Variants in RBM47 observed in about 807,000 individuals in gnomAD.
RBM47 encodes RNA binding motif protein 47.
RBM47 carries 21 observed loss-of-function variants against 47.1 expected under a neutral mutation model. The observed-to-expected ratio is 0.45, with a 90% CI of 0.32 to 0.64. The LOEUF (loss-of-function observed/expected upper bound fraction) is 0.64, where lower values mean the gene tolerates loss of function less well. Among genes scored for constraint, RBM47 ranks in the 30% least tolerant of loss-of-function variants. The pLI, the probability that RBM47 is intolerant of heterozygous loss-of-function variation, is 0.05. For synonymous variants in RBM47, 375 were observed against 361.7 expected, an observed-to-expected ratio of 1.04 and a Z score of -0.42; for missense variants, 708 against 870.9, an observed-to-expected ratio of 0.81 and a Z score of 2.35.
At chr4:40,611,719 ACT>A (rs1209656683) in intron 1 of RBM47, among the ~76,000 whole-genome samples, 1 of 151,864 alleles carries the variant, frequency 6.6e-6, no homozygotes, top group Non-Finnish European at 1.5e-5. Flanking sequence ...CAAGAGCAAA[ACT>A]CTGTCTCAAA....
chr4:40,484,541 A>G (rs527417575), intron 2 of RBM47, among the ~76,000 whole-genome samples: 30 of 151,786 alleles, frequency 2.0e-4, no homozygotes, highest in African/African-American at 7.0e-4. Context: ...TGTTACTCCC[A>G]TGAAGGGAAT....
chr4:40,456,571 C>CTTTATTTTTTT (rs1716284993), intron 3 of RBM47, among the ~76,000 whole-genome samples: 1 of 112,578 alleles, frequency 8.9e-6, no homozygotes, highest in Non-Finnish European at 1.7e-5. Flanking sequence ...TTTCTTTTTT[C>CTTTATTTTTTT]TTTTTTTTTT....
intron 2 of RBM47, among the ~76,000 whole-genome samples, chr4:40,517,570 A>G (rs1399400478): frequency 3.3e-5 from 5 of 152,238 alleles, no homozygotes; most frequent in African/African-American, 9.6e-5. Context: ...AATCCAAAAC[A>G]GTGTTTCAAA....
At chr4:40,618,835 G>A (rs6851689) in intron 1 of RBM47, among the ~76,000 whole-genome samples, 29,134 of 117,524 alleles carry the variant, frequency 0.25, 4,298 homozygotes, top group Middle Eastern at 0.33. Flanking sequence ...AAAAAAAAAA[G>A]GGAAACTTCC....
intron 2 of RBM47, among the ~76,000 whole-genome samples, chr4:40,469,645 T>C (rs1057309277): frequency 4.6e-5 from 7 of 150,990 alleles, no homozygotes; most frequent in Admixed American, 2.6e-4. Context: ...TAGATTGTGT[T>C]TGGAGTTATT....
chr4:40,477,870 A>T (rs1719835205), intron 2 of RBM47, among the ~76,000 whole-genome samples: 1 of 152,138 alleles, frequency 6.6e-6, no homozygotes, highest in South Asian at 2.1e-4. Context: ...AACAAACTCA[A>T]AAAATATAGA....
At chr4:40,523,802 C>T (rs7699985) in intron 2 of RBM47, among the ~76,000 whole-genome samples, 4 of 149,354 alleles carry the variant, frequency 2.7e-5, no homozygotes, top group African/African-American at 4.9e-5. Context: ...GAGGTTGAAG[C>T]GGCAGTGAGC....
At chr4:40,592,162 A>T (rs990661374) in intron 1 of RBM47, among the ~76,000 whole-genome samples, 14 of 152,288 alleles carry the variant, frequency 9.2e-5, no homozygotes, top group Admixed American at 4.6e-4. Flanking sequence ...AAAAACTAGC[A>T]TCAAAGTAGA....
chr4:40,535,166 G>C (rs1014317346), intron 2 of RBM47, among the ~76,000 whole-genome samples: 8 of 151,998 alleles, frequency 5.3e-5, no homozygotes, highest in Non-Finnish European at 1.0e-4. Flanking sequence ...CCTTATGCCT[G>C]GCATATAGTG....
intron 3 of RBM47, among the ~76,000 whole-genome samples, chr4:40,460,450 C>T (rs1716943071): frequency 6.6e-6 from 1 of 152,180 alleles, no homozygotes; most frequent in Non-Finnish European, 1.5e-5. Context: ...GAGTTCAATA[C>T]CATTTATTAA....
At position 40,425,733 on chromosome 4, in the gene RBM47, T is replaced by C; in HGVS notation, c.*171A>G. 5 of 976,604 alleles carry C rather than the reference T, an allele frequency of 5.1e-6. No individual in the cohort carries two copies. The South Asian group carries it at 9.4e-5, about 18-fold the overall frequency. 60.5% of individuals were successfully genotyped at this position (976,604 alleles called of 1,614,324 possible). A position where few individuals can be genotyped will look rare whatever the true frequency, so the allele number is the denominator to read the frequency against. Reference sequence around the variant, plus strand: ...CGTAGGCATGCTAAGTTGAAAATAGTCTTAAAAAACTAGTGAAAACTTCAT... The same window carrying C: ...CGTAGGCATGCTAAGTTGAAAATAGCCTTAAAAAACTAGTGAAAACTTCAT... On this transcript the variant is annotated 3_prime_UTR_variant, in exon 7 of 7. Transcript: ENST00000295971.
chr4:40,623,667 C>T (rs538040832), intron 1 of RBM47, among the ~76,000 whole-genome samples: 2 of 152,182 alleles, frequency 1.3e-5, no homozygotes, highest in Admixed American at 6.5e-5. Context: ...TGAACCACCA[C>T]GCTCAGCTCT....
chr4:40,490,510 TA>T (rs1280172367), intron 2 of RBM47, among the ~76,000 whole-genome samples: 2 of 152,068 alleles, frequency 1.3e-5, no homozygotes, highest in African/African-American at 4.8e-5. Flanking sequence ...AACTAAAATA[TA>T]AAATTAACAA....
At chr4:40,461,917 A>G (rs1717200326) in intron 3 of RBM47, among the ~76,000 whole-genome samples, 1 of 150,034 alleles carries the variant, frequency 6.7e-6, no homozygotes, top group African/African-American at 2.4e-5. Flanking sequence ...CCTGGGTGAC[A>G]AGAGTGAAAA....
chr4:40,426,250 C>A, intron 6 of RBM47, 107 bp from the exon 7 acceptor site: 2 of 1,439,916 alleles, frequency 1.4e-6, no homozygotes, highest in South Asian at 1.4e-5. Context: ...GACACAAAAG[C>A]AAGGGAGAGA....
chr4:40,585,446 A>G (rs28597967), intron 1 of RBM47, among the ~76,000 whole-genome samples: 5,246 of 152,278 alleles, frequency 0.034, 311 homozygotes, highest in African/African-American at 0.12. Context: ...TCGCCCCATA[A>G]ATATTCCTAA....
intron 1 of RBM47, among the ~76,000 whole-genome samples, chr4:40,599,768 T>C (rs1205778649): frequency 4.7e-5 from 7 of 149,530 alleles, no homozygotes; most frequent in African/African-American, 1.5e-4. Flanking sequence ...CAAGCCAGAC[T>C]AGCCACAAGT....
At chr4:40,566,514 G>T (rs561783467) in intron 1 of RBM47, among the ~76,000 whole-genome samples, 1 of 151,832 alleles carries the variant, frequency 6.6e-6, no homozygotes, top group African/African-American at 2.4e-5. Context: ...GTATGGTGGC[G>T]CGTGCCTGTA....
At chr4:40,617,249 T>G (rs140936030) in intron 1 of RBM47, among the ~76,000 whole-genome samples, 2 of 152,266 alleles carry the variant, frequency 1.3e-5, no homozygotes, top group East Asian at 3.9e-4. Context: ...AATTTTTGTT[T>G]TCACTATTAA....
Sources: allele counts gnomAD v4.1 joint callset (sites outside exome capture counted in the v4.1 genomes callset), GRCh38; gene constraint gnomAD v4.1.1; transcripts MANE v1.5; gene names NCBI Gene and HGNC (gene_info 2026-07-23, HGNC 2026-07-21).